ARID1B: variants seen among roughly 807,000 people sequenced by gnomAD.
The protein encoded by ARID1B is AT-rich interaction domain 1B.
A neutral mutation model predicts 212.3 loss-of-function variants in ARID1B; 30 were observed. The observed-to-expected ratio is 0.14, with a 90% CI of 0.11 to 0.19. The LOEUF (loss-of-function observed/expected upper bound fraction) is 0.19. Among genes scored for constraint, ARID1B ranks in the 10% least tolerant of loss-of-function variants. ARID1B has a pLI of 1.00. For synonymous variants in ARID1B, 1,402 were observed against 1,301.7 expected (o/e 1.08, Z -1.66); for missense variants, 2,891 against 3,204.0 (o/e 0.90, Z 2.36).
intron 4 of ARID1B, among the ~76,000 whole-genome samples, chr6:157,076,395 G>T (rs1422645919): frequency 2.0e-5 from 3 of 151,530 alleles, no homozygotes; most frequent in African/African-American, 7.3e-5. Flanking sequence ...GTACAATAGT[G>T]TCCTACAGCC....
rs1794050408 is a variant in ARID1B at position 157,200,856 on chromosome 6, G to T, written c.4631G>T (p.Gly1544Val). The T allele has an allele frequency of 1.2e-6, 2 of 1,614,020 alleles. No individual in the cohort carries two copies. The highest frequency in any genetic ancestry group is 1.7e-6 in the Non-Finnish European group (2 of 1,180,040). The part of the protein sequence containing the change: ...YSGPDRRPIQ[G>V]QYPYPYSRER... ...GGCCCGGACCGCAGGCCCATCCAGG[G>T]CCAGTACCCGTATCCCTACAGCAGG... Residue 1544 changes from glycine to valine, a missense_variant, in exon 18 of 20, where the codon GGC becomes GTC. Physicochemically the swap from Gly to Val is moderately radical, Grantham distance 109 (BLOSUM62 -3). Coordinates refer to ENST00000636930, the MANE Select transcript of ARID1B (RefSeq NM_001374828.1). This position sits in a 1 kb window ranked among gnomAD's most constrained non-coding sequence, Gnocchi z 4.3.
At chr6:156,903,001 T>A (rs1474719622) in intron 3 of ARID1B, among the ~76,000 whole-genome samples, 1 of 152,074 alleles carries the variant, frequency 6.6e-6, no homozygotes, top group Non-Finnish European at 1.5e-5. Flanking sequence ...ATTTAAGGAG[T>A]CAATAGATAA....
chr6:157,021,111 C>T (rs915663521), intron 4 of ARID1B, among the ~76,000 whole-genome samples: 1 of 152,010 alleles, frequency 6.6e-6, no homozygotes, highest in Non-Finnish European at 1.5e-5. Context: ...TCAGGGCCCG[C>T]TTGAGAGAGG....
chr6:156,820,783 G>A (rs936629405), intron 1 of ARID1B, among the ~76,000 whole-genome samples: 4 of 152,234 alleles, frequency 2.6e-5, no homozygotes, highest in Admixed American at 6.5e-5. Flanking sequence ...TAGAAAAGAT[G>A]TAGGAATTTG....
At chr6:156,910,044 G>A (rs1251810002) in intron 3 of ARID1B, among the ~76,000 whole-genome samples, 1 of 152,212 alleles carries the variant, frequency 6.6e-6, no homozygotes, top group African/African-American at 2.4e-5. Flanking sequence ...AGTTTGGGGT[G>A]GTTGTTACCC....
intron 4 of ARID1B, among the ~76,000 whole-genome samples, chr6:156,980,288 C>A (rs1777522750): frequency 6.6e-6 from 1 of 151,942 alleles, no homozygotes; most frequent in Non-Finnish European, 1.5e-5. Flanking sequence ...TTCGAGACCA[C>A]CCCGGCCCAC....
At position 157,167,196 on chromosome 6, in the gene ARID1B, C is replaced by G. The variant is rs1791389848; in HGVS notation, c.3235+11C>G. 1 of 1,602,274 alleles carries G rather than the reference C, an allele frequency of 6.2e-7. No individual in the cohort carries two copies. The stretch of plus-strand genomic sequence containing the variant: ...TGAACAGCTCGGCAGGTAACCTTGG[C>G]AGCTCTGCGCTCCTGAGCCCCTCTC... On this transcript the variant is annotated intron_variant, in intron 9 of 19. Coordinates refer to ENST00000636930, the MANE Select transcript of ARID1B (RefSeq NM_001374828.1).
chr6:156,810,619 A>G (rs1781491817), intron 1 of ARID1B, among the ~76,000 whole-genome samples: 1 of 152,174 alleles, frequency 6.6e-6, no homozygotes. Context: ...TCTCTTGATC[A>G]TTTTCATTTT....
At chr6:157,178,382 A>G (rs1337257638) in intron 11 of ARID1B, among the ~76,000 whole-genome samples, 4 of 152,214 alleles carry the variant, frequency 2.6e-5, no homozygotes. Flanking sequence ...CTAGTCGGAA[A>G]AGTGGGTGTC....
At chr6:157,029,440 C>T (rs1187045174) in intron 4 of ARID1B, among the ~76,000 whole-genome samples, 1 of 152,210 alleles carries the variant, frequency 6.6e-6, no homozygotes, top group East Asian at 1.9e-4. Context: ...ATTTAGTGAG[C>T]TCCTACTCTG....
chr6:157,023,141 T>C (rs1315550616), intron 4 of ARID1B: 1 of 152,228 alleles, frequency 6.6e-6, no homozygotes, highest in African/African-American at 2.4e-5. Flanking sequence ...GAATTTATTA[T>C]TTAGGTGTTT....
intron 9 of ARID1B, chr6:157,169,476 C>T (rs756045308): frequency 6.6e-6 from 1 of 152,190 alleles, no homozygotes; most frequent in Non-Finnish European, 1.5e-5. Flanking sequence ...TATTTCTTCA[C>T]TTAAAATGCC....
rs113347228 is a variant in ARID1B at position 157,201,230 on chromosome 6, C to T, written c.5005C>T (p.Leu1669=). The T allele has an allele frequency of 1.9e-5, 31 of 1,614,062 alleles. No homozygotes were observed. The African/African-American group carries it at 3.6e-4, about 19-fold the overall frequency. ...PQPSYQTPPS[L]PNHISRAPSP... ...GCCGTCCTACCAGACGCCACCGTCA[C>T]TGCCAAATCACATCTCCAGGGCGCC... Residue 1669 remains leucine, a synonymous_variant, in exon 18 of 20, where the codon CTG becomes TTG. Coordinates refer to ENST00000636930, the MANE Select transcript of ARID1B (RefSeq NM_001374828.1). The surrounding 1 kb of genome is among the most constrained non-coding windows in gnomAD (Gnocchi z 5.2).
intron 3 of ARID1B, among the ~76,000 whole-genome samples, chr6:156,916,979 C>T (rs941227249): frequency 2.0e-5 from 3 of 152,130 alleles, no homozygotes; most frequent in Non-Finnish European, 4.4e-5. Context: ...TTCTTGTGAC[C>T]GAGGTCTTCT....
At chr6:156,818,124 T>TC (rs1554255156) in intron 1 of ARID1B, among the ~76,000 whole-genome samples, 1,896 of 133,390 alleles carry the variant, frequency 0.014, 62 homozygotes, top group Non-Finnish European at 0.017. Context: ...TTTTTTTTTT[T>TC]AGAATATAAG....
At chr6:156,997,473 G>A (rs1583107565) in intron 4 of ARID1B, among the ~76,000 whole-genome samples, 1 of 152,162 alleles carries the variant, frequency 6.6e-6, no homozygotes, top group East Asian at 1.9e-4. Context: ...CCTTTGAATA[G>A]CACTTTATAG....
upstream of ARID1B, chr6:156,776,328 G>A (rs1778620413): frequency 6.6e-6 from 1 of 152,086 alleles, no homozygotes; most frequent in Non-Finnish European, 1.5e-5. Context: ...ATTTTTAAGA[G>A]AACAAAGTAT....
In ARID1B at chr6:156,892,060, CT is replaced by C. The variant is rs1194745302; in HGVS notation, c.1987-9305del. Among the ~76,000 whole-genome samples, 105 of 64,464 alleles carry C rather than the reference CT, an allele frequency of 1.6e-3. 1 individual carries two copies. The highest frequency in any genetic ancestry group is 5.2e-3 in the African/African-American group (92 of 17,526). 42.3% of individuals were successfully genotyped at this position (64,464 alleles called of 152,430 possible). ...CGAATTTTCTTTTTTTTTTTTTTTT[CT>C]TTTTTTTTTTGTATTTTTAGTAGTG... On this transcript the variant is annotated intron_variant, in intron 2 of 19. Transcript: ENST00000636930.
chr6:156,885,884 A>C (rs557257104), intron 2 of ARID1B, among the ~76,000 whole-genome samples: 45 of 152,276 alleles, frequency 3.0e-4, no homozygotes, highest in Middle Eastern at 3.4e-3. Flanking sequence ...TGTTGGTAGA[A>C]ATTTTGTATC....
Sources: allele counts gnomAD v4.1 joint callset (sites outside exome capture counted in the v4.1 genomes callset), GRCh38; gene constraint gnomAD v4.1.1; non-coding constraint Gnocchi (gnomAD v3.1); transcripts MANE v1.5; gene names NCBI Gene and HGNC (gene_info 2026-07-23, HGNC 2026-07-21).